Variants in PAK1 observed in about 807,000 individuals in gnomAD.
PAK1 encodes p21 (RAC1) activated kinase 1.
A neutral mutation model predicts 67.4 loss-of-function variants in PAK1; 29 were observed. That is an observed-to-expected ratio of 0.43 (90% CI 0.32 to 0.59). PAK1 has a LOEUF of 0.59. Ranked by LOEUF, PAK1 falls within the 20% of genes least tolerant of loss-of-function variation. PAK1 has a pLI of 0.07. For synonymous variants in PAK1, 223 were observed against 237.4 expected (o/e 0.94, Z 0.56); for missense variants, 337 against 670.7 (o/e 0.50, Z 5.50).
intron 1 of PAK1, among the ~76,000 whole-genome samples, chr11:77,467,838 G>C (rs568127975): frequency 6.6e-6 from 1 of 152,310 alleles, no homozygotes; most frequent in East Asian, 1.9e-4. Context: ...TGTCCAAGTA[G>C]CTCTTTGTCT....
chr11:77,331,781 T>A (rs1941591360), intron 14 of PAK1, among the ~76,000 whole-genome samples: 1 of 136,978 alleles, frequency 7.3e-6, no homozygotes, highest in Admixed American at 7.2e-5. Flanking sequence ...AACTTAAAAG[T>A]ATAATAATAA....
chr11:77,323,741 C>A (rs1041564057), intron 14 of PAK1, among the ~76,000 whole-genome samples: 1 of 152,226 alleles, frequency 6.6e-6, no homozygotes. Flanking sequence ...TAATACTATA[C>A]AGAAAATTAC....
the PAK1 span, among the ~76,000 whole-genome samples, chr11:77,489,440 C>T: frequency 2.6e-5 from 4 of 151,758 alleles, no homozygotes; most frequent in African/African-American, 9.7e-5. Context: ...CCTCTCCCCT[C>T]TCCCCTCTCC....
intron 14 of PAK1, among the ~76,000 whole-genome samples, chr11:77,324,814 AAGAG>A (rs893271181): frequency 1.3e-5 from 2 of 151,608 alleles, no homozygotes; most frequent in East Asian, 1.9e-4. Flanking sequence ...GAGAAAGAGA[AAGAG>A]AGAGAAACAT....
In PAK1 at chr11:77,469,641, C is replaced by T. The variant is rs1344671415; in HGVS notation, c.-22+3911G>A. Among the ~76,000 whole-genome samples, 4 of 149,860 alleles carry T rather than the reference C, an allele frequency of 2.7e-5. No homozygotes were observed. In the East Asian group the frequency reaches 7.8e-4, roughly 29 times the overall value. On this transcript the variant is annotated intron_variant, in intron 1 of 14. Transcript: ENST00000356341. ...TCCAGGGTTTCATTTTCACCCACTACAAATTACAACATTACCCCTTAGAAA... is the reference window on the plus strand; with the variant it reads ...TCCAGGGTTTCATTTTCACCCACTATAAATTACAACATTACCCCTTAGAAA...
At chr11:77,467,518 AGAC>A (rs572704290) in intron 1 of PAK1, among the ~76,000 whole-genome samples, 90 of 152,374 alleles carry the variant, frequency 5.9e-4, no homozygotes, top group African/African-American at 2.0e-3. Context: ...TACTTACATA[AGAC>A]ATTTATGCAA....
intron 1 of PAK1, among the ~76,000 whole-genome samples, chr11:77,444,972 T>C (rs980868370): frequency 7.6e-6 from 1 of 130,972 alleles, no homozygotes; most frequent in African/African-American, 2.7e-5. Flanking sequence ...GAATTGTGTC[T>C]CAAAAAAAAA....
intron 4 of PAK1, 116 bp from the exon 5 acceptor site, chr11:77,374,481 T>C (rs17135590): frequency 4.3e-6 from 3 of 704,848 alleles, no homozygotes; most frequent in East Asian, 2.6e-5. Flanking sequence ...ATAGTAATAG[T>C]ATGACTGGTA....
At chr11:77,434,631 ATTT>A (rs1956027404) in intron 1 of PAK1, among the ~76,000 whole-genome samples, 1 of 151,746 alleles carries the variant, frequency 6.6e-6, no homozygotes, top group South Asian at 2.1e-4. Flanking sequence ...TTATTTACTT[ATTT>A]ATTGAGACAG....
At chr11:77,417,828 C>T (rs572695215) in intron 1 of PAK1, among the ~76,000 whole-genome samples, 4 of 151,778 alleles carry the variant, frequency 2.6e-5, no homozygotes, top group East Asian at 3.9e-4. Flanking sequence ...TCCACCTCCC[C>T]GGTTCAAGCA....
intron 3 of PAK1, 32 bp downstream of exon 3, chr11:77,379,862 G>C (rs752514532): frequency 1.6e-5 from 23 of 1,429,058 alleles, no homozygotes; most frequent in Non-Finnish European, 2.3e-5. Context: ...AACTCTAAAA[G>C]ACTAAAGACC....
At chr11:77,331,027 A>G (rs192662321) in intron 14 of PAK1, among the ~76,000 whole-genome samples, 217 of 152,372 alleles carry the variant, frequency 1.4e-3, no homozygotes, top group African/African-American at 5.0e-3. Flanking sequence ...CAAAAAACAC[A>G]TAAAAAATGC....
chr11:77,429,247 C>T (rs928591797), intron 1 of PAK1, among the ~76,000 whole-genome samples: 1 of 151,954 alleles, frequency 6.6e-6, no homozygotes, highest in Non-Finnish European at 1.5e-5. Flanking sequence ...TTGGCTCCTA[C>T]TGGCCAAACC....
Position 77,473,771 on chromosome 11 carries a change from G to T in PAK1, c.-241C>A, listed in dbSNP as rs376549709. ...GGAGGGAGCGAGGCGACGCGGGCGG[G>T]GGGGGAAGGGGGGACTGAGGGGCGA... On this transcript the variant is annotated 5_prime_UTR_variant, in exon 1 of 15. Coordinates refer to ENST00000356341, the MANE Select transcript of PAK1 (RefSeq NM_002576.5). The T allele has an allele frequency of 3.3e-5, 5 of 151,934 alleles. No homozygotes were observed. The highest frequency in any genetic ancestry group is 1.3e-4 in the Admixed American group (2 of 15,262). The allele number at this position is 151,934 out of a possible 1,614,324, so 9.4% of individuals were successfully genotyped here. A position where few individuals can be genotyped will look rare whatever the true frequency, so the allele number is the denominator to read the frequency against.
intron 1 of PAK1, among the ~76,000 whole-genome samples, chr11:77,464,373 G>T (rs2135516843): frequency 6.6e-6 from 1 of 152,206 alleles, no homozygotes; most frequent in Non-Finnish European, 1.5e-5. Context: ...CTCTACATTA[G>T]TCCTTTATCT....
intron 14 of PAK1, among the ~76,000 whole-genome samples, chr11:77,325,165 G>A (rs971602314): frequency 3.3e-5 from 5 of 152,162 alleles, no homozygotes; most frequent in Non-Finnish European, 4.4e-5. Flanking sequence ...ATCCAACATC[G>A]AATTGGGAGG....
At chr11:77,411,361 C>A (rs1052543619) in intron 1 of PAK1, among the ~76,000 whole-genome samples, 9 of 152,030 alleles carry the variant, frequency 5.9e-5, no homozygotes, top group Non-Finnish European at 1.2e-4. Context: ...GACCAGTCCC[C>A]CCAGGTCTCC....
chr11:77,446,214 A>G (rs1448678307), intron 1 of PAK1, among the ~76,000 whole-genome samples: 1 of 152,132 alleles, frequency 6.6e-6, no homozygotes, highest in Admixed American at 6.5e-5. Context: ...ATCCTTTATT[A>G]AGAAGCTCAG....
Position 77,374,317 on chromosome 11 carries a change from TAAAG to T in PAK1, c.477+7_477+10del. ...TCTGCCCACATCAAAATAGAGTAAA[TAAAG>T]ACTTACCAAGGCATTAGAAGAATTG... On this transcript the variant is annotated splice_region_variant and intron_variant, in intron 5 of 14. Coordinates refer to ENST00000356341, the MANE Select transcript of PAK1 (RefSeq NM_002576.5). The T allele has an allele frequency of 6.4e-7, 1 of 1,559,996 alleles. No homozygotes were observed. Among genetic ancestry groups the T allele is most frequent in the Non-Finnish European group, 8.8e-7 (1 of 1,130,884 alleles).
Sources: allele counts gnomAD v4.1 joint callset (sites outside exome capture counted in the v4.1 genomes callset), GRCh38; gene constraint gnomAD v4.1.1; transcripts MANE v1.5; gene names NCBI Gene and HGNC (gene_info 2026-07-23, HGNC 2026-07-21).